Variants in RMDN2 observed in about 807,000 individuals in gnomAD.
RMDN2 encodes the protein regulator of microtubule dynamics 2.
In RMDN2, 61 loss-of-function variants were observed where a neutral mutation model predicts 52.8. The ratio of observed to expected loss-of-function variants is 1.16; its 90% CI spans 0.94 to 1.43. The LOEUF is 1.43. Among genes scored for constraint, RMDN2 ranks in the 40% most tolerant of loss-of-function variants. The pLI is 0.00. For missense variants in RMDN2, 592 were observed against 475.3 expected (o/e 1.25, Z -2.28); for synonymous variants, 180 against 153.1 (o/e 1.18, Z -1.30).
chr2:37,925,136 G>A (rs1444601475), upstream of RMDN2, among the ~76,000 whole-genome samples: 2 of 152,140 alleles, frequency 1.3e-5, no homozygotes, highest in South Asian at 2.1e-4. Flanking sequence ...CACACGGTCC[G>A]GCGCGAGCCA....
chr2:38,045,454 G>T (rs1239348460), intron 10 of RMDN2, among the ~76,000 whole-genome samples: 1 of 152,146 alleles, frequency 6.6e-6, no homozygotes, highest in African/African-American at 2.4e-5. Flanking sequence ...CTTGATGTTT[G>T]CATCTCATCT....
In RMDN2 at chr2:37,989,553, G is replaced by T. The variant is rs1282484783; in HGVS notation, c.804G>T (p.Leu268Phe). The stretch of plus-strand genomic sequence containing the variant: ...TTGTCCTTTTCAGGTATGCAGTTTT[G>T]TGTGGCTATGTATCTGAGTTTGAGG... ...NGHCHLWYAVLCGYVSEFEGL... is the reference protein window; with the variant it reads ...NGHCHLWYAVFCGYVSEFEGL... The change falls in exon 6 of 11, where the codon TTG becomes TTT. Residue 268 changes from leucine (L) to phenylalanine (F), a missense_variant. By Grantham distance (22) the Leu-to-Phe change is conservative (BLOSUM62 0). Transcript: ENST00000354545. The T allele has an allele frequency of 1.9e-6, 3 of 1,611,450 alleles. No homozygotes were observed. The highest frequency in any genetic ancestry group is 2.2e-5 in the South Asian group (2 of 90,618).
At chr2:37,924,127 A>G (rs1032848984), upstream of RMDN2, among the ~76,000 whole-genome samples, 1 of 152,194 alleles carries the variant, frequency 6.6e-6, no homozygotes, top group Non-Finnish European at 1.5e-5. Flanking sequence ...TCAAAAAATC[A>G]TCTTAAAGAG....
chr2:38,019,000 G>A (rs953328452), downstream of RMDN2, among the ~76,000 whole-genome samples: 2 of 152,196 alleles, frequency 1.3e-5, no homozygotes, highest in Middle Eastern at 3.2e-3. Context: ...GATCAGTCAA[G>A]ATACTGAATC....
At chr2:38,033,861 C>T (rs776077377) in intron 10 of RMDN2, among the ~76,000 whole-genome samples, 6 of 152,154 alleles carry the variant, frequency 3.9e-5, no homozygotes, top group Non-Finnish European at 8.8e-5. Context: ...CCACAGTTAG[C>T]CTGGGAATTA....
chr2:38,005,436 A>G (rs544603383), intron 10 of RMDN2, among the ~76,000 whole-genome samples: 3 of 152,042 alleles, frequency 2.0e-5, no homozygotes, highest in South Asian at 2.1e-4. Flanking sequence ...TTTGATTTGC[A>G]TTTCTCTGAT....
At chr2:37,966,587 CTATT>C (rs1671085643) in intron 2 of RMDN2, among the ~76,000 whole-genome samples, 1 of 152,020 alleles carries the variant, frequency 6.6e-6, no homozygotes, top group Admixed American at 6.6e-5. Context: ...CCTTTAGGCT[CTATT>C]TACTTTTTTT....
chr2:37,932,585 C>A (rs1302461299), intron 2 of RMDN2, among the ~76,000 whole-genome samples: 1 of 151,812 alleles, frequency 6.6e-6, no homozygotes, highest in Non-Finnish European at 1.5e-5. Flanking sequence ...GGGTACACCT[C>A]CCAGACGGGG....
chr2:38,057,129 C>T (rs1490780375), intron 10 of RMDN2, among the ~76,000 whole-genome samples: 1 of 152,248 alleles, frequency 6.6e-6, no homozygotes, highest in East Asian at 1.9e-4. Context: ...GCTTTAGAAA[C>T]ATGAAGAGGT....
At chr2:38,003,047 T>C (rs922793164) in intron 8 of RMDN2, 5 of 152,234 alleles carry the variant, frequency 3.3e-5, no homozygotes, top group African/African-American at 1.2e-4. Flanking sequence ...GATCAGTAGA[T>C]AGGAGAAAAG....
At chr2:38,029,996 T>G (rs1680067658) in intron 10 of RMDN2, 1 of 152,104 alleles carries the variant, frequency 6.6e-6, no homozygotes, top group Non-Finnish European at 1.5e-5. Flanking sequence ...CTCATGAGGC[T>G]TACTCACTAC....
chr2:37,960,748 A>T (rs1426971395), intron 2 of RMDN2, among the ~76,000 whole-genome samples: 1 of 152,116 alleles, frequency 6.6e-6, no homozygotes, highest in Non-Finnish European at 1.5e-5. Flanking sequence ...CCAGCTGGTT[A>T]TTTTGCACAT....
intron 10 of RMDN2, among the ~76,000 whole-genome samples, chr2:38,023,631 A>T (rs1679553845): frequency 1.3e-5 from 2 of 152,172 alleles, no homozygotes; most frequent in African/African-American, 4.8e-5. Context: ...TTGATTGGGA[A>T]ATTAACAAGA....
chr2:38,012,000 C>T (rs1172549007), intron 10 of RMDN2, among the ~76,000 whole-genome samples: 1 of 152,140 alleles, frequency 6.6e-6, no homozygotes, highest in Admixed American at 6.5e-5. Flanking sequence ...CTTCCCTGCT[C>T]AAAACCCTTT....
At chr2:38,007,146 G>A (rs550198305) in intron 10 of RMDN2, among the ~76,000 whole-genome samples, 5 of 152,256 alleles carry the variant, frequency 3.3e-5, no homozygotes, top group Admixed American at 2.6e-4. Context: ...TGTTCATCAG[G>A]GATATTAGTC....
At chr2:38,031,137 T>C (rs1427979761) in intron 10 of RMDN2, among the ~76,000 whole-genome samples, 2 of 152,078 alleles carry the variant, frequency 1.3e-5, no homozygotes, top group East Asian at 1.9e-4. Flanking sequence ...GGTTTCTAAA[T>C]GAGATAATTC....
intron 7 of RMDN2, among the ~76,000 whole-genome samples, chr2:37,995,402 T>C (rs1675404681): frequency 6.6e-6 from 1 of 151,748 alleles, no homozygotes; most frequent in Admixed American, 6.6e-5. Context: ...CAAAAGTATA[T>C]CTAGAGATAA....
intron 2 of RMDN2, among the ~76,000 whole-genome samples, chr2:37,935,787 G>A (rs543227861): frequency 2.3e-4 from 35 of 152,076 alleles, no homozygotes; most frequent in African/African-American, 8.2e-4. Flanking sequence ...ATATTGATAT[G>A]TATATATATA....
chr2:37,963,374 TG>T (rs1670545945), intron 2 of RMDN2, among the ~76,000 whole-genome samples: 1 of 151,176 alleles, frequency 6.6e-6, no homozygotes, highest in African/African-American at 2.4e-5. Flanking sequence ...GAGGGGGATT[TG>T]GCAGGGTCAT....
Sources: allele counts gnomAD v4.1 joint callset (sites outside exome capture counted in the v4.1 genomes callset), GRCh38; gene constraint gnomAD v4.1.1; transcripts MANE v1.5; gene names NCBI Gene and HGNC (gene_info 2026-07-23, HGNC 2026-07-21).